The following NELL1 variants were observed in gnomAD, a reference collection of about 807,000 sequenced individuals.
NELL1 encodes protein kinase C-binding protein NELL1.
In NELL1, 76 loss-of-function variants were observed where a neutral mutation model predicts 107.4. That is an observed-to-expected ratio of 0.71 (90% CI 0.59 to 0.86). NELL1 has a LOEUF of 0.86. Among genes scored for constraint, NELL1 ranks in the 40% least tolerant of loss-of-function variants. NELL1 has a pLI of 0.00. For missense variants in NELL1, 1,024 were observed against 1,005.5 expected, an observed-to-expected ratio of 1.02 and a Z score of -0.25; for synonymous variants, 353 against 341.2, an observed-to-expected ratio of 1.03 and a Z score of -0.38.
At chr11:21,514,845 G>A (rs6483775) in intron 15 of NELL1, among the ~76,000 whole-genome samples, 129,341 of 152,160 alleles carry the variant, frequency 0.85, 55,029 homozygotes, top group East Asian at 0.93. Flanking sequence ...GTCCTGTCCT[G>A]TATTATTGAG....
At chr11:20,792,968 CA>C (rs1857103780) in intron 3 of NELL1, among the ~76,000 whole-genome samples, 2 of 151,850 alleles carry the variant, frequency 1.3e-5, no homozygotes, top group South Asian at 4.1e-4. Flanking sequence ...AAAAAATATA[CA>C]TTGTATCTTT....
intron 13 of NELL1, among the ~76,000 whole-genome samples, chr11:21,198,405 A>AG (rs1223047415): frequency 6.6e-6 from 1 of 152,202 alleles, no homozygotes. Context: ...AAGGAGGGCA[A>AG]GGTTACACTG....
intron 3 of NELL1, among the ~76,000 whole-genome samples, chr11:20,797,041 A>G (rs1160463935): frequency 6.6e-6 from 1 of 152,208 alleles, no homozygotes; most frequent in African/African-American, 2.4e-5. Context: ...TAGGTAAGGA[A>G]GAGGCAAGGT....
intron 15 of NELL1, among the ~76,000 whole-genome samples, chr11:21,466,219 C>T (rs958446879): frequency 1.3e-5 from 2 of 152,128 alleles, no homozygotes; most frequent in African/African-American, 4.8e-5. Context: ...TACCTGAAGC[C>T]CTGGTGACAG....
chr11:21,081,315 G>A (rs1854263505), intron 12 of NELL1, among the ~76,000 whole-genome samples: 1 of 151,844 alleles, frequency 6.6e-6, no homozygotes, highest in Non-Finnish European at 1.5e-5. Flanking sequence ...AATAATCTTT[G>A]CAGGCTCCTG....
intron 10 of NELL1, 45 bp from the exon 11 acceptor site, chr11:20,947,290 CT>C: frequency 7.6e-7 from 1 of 1,319,018 alleles, no homozygotes. Context: ...GTTCCATTGA[CT>C]AAAAATGTGA....
At position 21,244,863 on chromosome 11, in the gene NELL1, C is replaced by A. The variant is rs550830950; in HGVS notation, c.1549+15409C>A. Among the ~76,000 whole-genome samples the A allele has an allele frequency of 2.6e-5, 4 of 152,250 alleles. No individual in the cohort carries two copies. In the East Asian group the frequency reaches 7.7e-4, roughly 29 times the overall value. On this transcript the variant is annotated intron_variant, in intron 14 of 19. Coordinates refer to ENST00000357134, the MANE Select transcript of NELL1 (RefSeq NM_006157.5). ...TTGGCTCTTCTACTTAGCTAGTGTG[C>A]CATCTTGGGCTAGTCACTTAACTTC...
chr11:21,032,046 AAATAATAATAAT>A (rs373787726), intron 12 of NELL1, among the ~76,000 whole-genome samples: 143 of 145,518 alleles, frequency 9.8e-4, no homozygotes, highest in African/African-American at 2.5e-3. Flanking sequence ...CTCCATGTCA[AAATAATAATAAT>A]AATAATAATA....
At chr11:20,937,448 C>T (rs2134185061) in intron 9 of NELL1, among the ~76,000 whole-genome samples, 1 of 152,344 alleles carries the variant, frequency 6.6e-6, no homozygotes, top group East Asian at 1.9e-4. Flanking sequence ...TGAATCAAAG[C>T]TACTGCTAAC....
intron 12 of NELL1, among the ~76,000 whole-genome samples, chr11:20,975,809 ATAT>A (rs1488956906): frequency 3.9e-5 from 5 of 128,382 alleles, no homozygotes; most frequent in Admixed American, 7.9e-5. Flanking sequence ...TATGATATAC[ATAT>A]TATATATGTA....
At chr11:20,799,093 C>T (rs1422206464) in intron 3 of NELL1, among the ~76,000 whole-genome samples, 1 of 151,004 alleles carries the variant, frequency 6.6e-6, no homozygotes, top group Non-Finnish European at 1.5e-5. Context: ...GGACGTTTGT[C>T]CTCAATCTAA....
intron 12 of NELL1, among the ~76,000 whole-genome samples, chr11:21,112,812 G>A (rs1479204800): frequency 6.6e-6 from 1 of 151,994 alleles, no homozygotes; most frequent in African/African-American, 2.4e-5. Context: ...ATGTACTCAT[G>A]TCCTTCTTTC....
intron 14 of NELL1, among the ~76,000 whole-genome samples, chr11:21,316,253 A>G (rs746314375): frequency 6.6e-6 from 1 of 152,152 alleles, no homozygotes; most frequent in African/African-American, 2.4e-5. Context: ...AACACTGTCA[A>G]GTTATGACTT....
chr11:20,740,516 G>A (rs1855866345), intron 2 of NELL1, among the ~76,000 whole-genome samples: 1 of 152,230 alleles, frequency 6.6e-6, no homozygotes, highest in Non-Finnish European at 1.5e-5. Context: ...AACTTCCATG[G>A]TTGCCCCTGG....
chr11:20,876,193 C>G (rs1564945666), intron 4 of NELL1, among the ~76,000 whole-genome samples: 5 of 152,226 alleles, frequency 3.3e-5, no homozygotes, highest in Non-Finnish European at 1.5e-5. Context: ...GTGGATTTAG[C>G]TTGGAATTCA....
In NELL1 at chr11:21,560,398, T is replaced by C. The variant is rs1159949122; in HGVS notation, c.1980+16T>C. On this transcript the variant is annotated intron_variant, in intron 17 of 19. Coordinates refer to ENST00000357134, the MANE Select transcript of NELL1 (RefSeq NM_006157.5). ...CTCCTGCAAGGTGAGGCTGATGTGG[T>C]GCAGCAGAAATTGAAACTGTTCTTT... The C allele has an allele frequency of 6.5e-7, 1 of 1,541,560 alleles. No homozygotes were observed. The highest frequency in any genetic ancestry group is 8.7e-7 in the Non-Finnish European group (1 of 1,147,228).
At position 21,134,354 on chromosome 11, in the gene NELL1, T is replaced by A. The variant is rs538885344; in HGVS notation, c.1426+20640T>A. 7.2e-5 allele frequency among the ~76,000 whole-genome samples: 11 copies of A among 152,200 alleles called. No individual in the cohort carries two copies. The East Asian group carries it at 2.1e-3, about 30-fold the overall frequency. On this transcript the variant is annotated intron_variant, in intron 13 of 19. Coordinates refer to ENST00000357134, the MANE Select transcript of NELL1 (RefSeq NM_006157.5). ...TGGGACTATAAGGATAGGAGAGTCT[T>A]CCTCAGTGGAAGGACAGGAAGGAGT...
chr11:21,548,126 T>C (rs951683571), intron 16 of NELL1, among the ~76,000 whole-genome samples: 22 of 151,836 alleles, frequency 1.4e-4, no homozygotes, highest in African/African-American at 5.3e-4. Flanking sequence ...TATGGTGCCA[T>C]TGTAATAAAT....
At chr11:20,785,884 AT>A (rs11433394) in intron 3 of NELL1, among the ~76,000 whole-genome samples, 3 of 150,554 alleles carry the variant, frequency 2.0e-5, no homozygotes, top group East Asian at 2.0e-4. Flanking sequence ...TCTCTTTTGG[AT>A]TTTTTTTTCA....
Sources: allele counts gnomAD v4.1 joint callset (sites outside exome capture counted in the v4.1 genomes callset), GRCh38; gene constraint gnomAD v4.1.1; transcripts MANE v1.5; gene names NCBI Gene and HGNC (gene_info 2026-07-23, HGNC 2026-07-21).